EGLN1: variants seen among roughly 807,000 people sequenced by gnomAD.
EGLN1 encodes egl-9 family hypoxia inducible factor 1.
Under a neutral mutation model 38.3 loss-of-function variants are expected in EGLN1, and 17 were observed. The observed-to-expected ratio is 0.44, with a 90% CI of 0.30 to 0.67. EGLN1 has a LOEUF of 0.67. Among genes scored for constraint, EGLN1 ranks in the 30% least tolerant of loss-of-function variants. EGLN1 has a pLI of 0.08. For synonymous variants in EGLN1, 283 were observed against 257.5 expected (o/e 1.10, Z -0.95); for missense variants, 477 against 603.3 (o/e 0.79, Z 2.19).
intron 1 of EGLN1, among the ~76,000 whole-genome samples, chr1:231,404,447 T>C (rs1382328613): frequency 6.6e-6 from 1 of 152,088 alleles, no homozygotes; most frequent in Non-Finnish European, 1.5e-5. Flanking sequence ...ATCAACAAAC[T>C]GTAAAACAAA....
At chr1:231,393,236 C>G (rs1688438775) in intron 1 of EGLN1, among the ~76,000 whole-genome samples, 1 of 152,180 alleles carries the variant, frequency 6.6e-6, no homozygotes, top group Non-Finnish European at 1.5e-5. Flanking sequence ...AATCAGCAGA[C>G]CCATAGGTAA....
intron 1 of EGLN1, among the ~76,000 whole-genome samples, chr1:231,380,814 T>C (rs1688064177): frequency 6.6e-6 from 1 of 152,234 alleles, no homozygotes; most frequent in African/African-American, 2.4e-5. Context: ...TTACATCTTA[T>C]ATTTTTAAGT....
At chr1:231,420,296 T>C (rs1408671541) in intron 1 of EGLN1, 3 of 152,152 alleles carry the variant, frequency 2.0e-5, no homozygotes, top group African/African-American at 7.3e-5. Context: ...ACAAAGCAAA[T>C]AAAGGAAACT....
In EGLN1 at chr1:231,366,284, G is replaced by C. The variant is rs1414576874; in HGVS notation, c.*127C>G. ...TCTGTTTGATGCAACACAAAAAGTT[G>C]TTTCTGTTTCCTTATTAAAATGCGA... On this transcript the variant is annotated 3_prime_UTR_variant, in exon 5 of 5. Coordinates refer to ENST00000366641, the MANE Select transcript of EGLN1 (RefSeq NM_022051.3). The C allele has an allele frequency of 9.7e-7, 1 of 1,027,318 alleles. No homozygotes were observed. Among genetic ancestry groups the C allele is most frequent in the African/African-American group, 1.6e-5 (1 of 62,492 alleles). The allele number at this position is 1,027,318 out of a possible 1,614,324, so 63.6% of individuals were successfully genotyped here. A position where few individuals can be genotyped will look rare whatever the true frequency, so the allele number is the denominator to read the frequency against.
intron 3 of EGLN1, among the ~76,000 whole-genome samples, chr1:231,368,140 G>A (rs894157534): frequency 5.3e-5 from 8 of 152,124 alleles, no homozygotes; most frequent in East Asian, 3.9e-4. Flanking sequence ...GCAGTGAGCC[G>A]AGATCATGCC....
chr1:231,396,690 C>T (rs922326067), intron 1 of EGLN1, among the ~76,000 whole-genome samples: 3 of 152,226 alleles, frequency 2.0e-5, no homozygotes, highest in African/African-American at 7.2e-5. Flanking sequence ...CAATTTCCAT[C>T]TGGATGTCCA....
intron 1 of EGLN1, among the ~76,000 whole-genome samples, chr1:231,397,813 A>T (rs1688568467): frequency 6.6e-6 from 1 of 152,200 alleles, no homozygotes; most frequent in African/African-American, 2.4e-5. Flanking sequence ...CCTAAACCCT[A>T]AGGAGAAATA....
At chr1:231,419,386 T>A (rs1656487857) in intron 1 of EGLN1, among the ~76,000 whole-genome samples, 1 of 152,172 alleles carries the variant, frequency 6.6e-6, no homozygotes, top group Admixed American at 6.5e-5. Context: ...CTAAATTAAC[T>A]AAGGAAAGCA....
Position 231,391,083 on chromosome 1 carries a change from G to GTTT in EGLN1, c.892-16987_892-16985dup, listed in dbSNP as rs111257907. On this transcript the variant is annotated intron_variant, in intron 1 of 4. Transcript: ENST00000366641. The stretch of plus-strand genomic sequence containing the variant: ...GTGTGTGAGACAGGGAACTCATTCT[G>GTTT]TTTTTTTTTTGTGTGTGTGTGTGTG... 3.8e-4 allele frequency among the ~76,000 whole-genome samples: 19 copies of GTTT among 49,834 alleles called. 1 individual carries two copies. The highest frequency in any genetic ancestry group is 1.3e-3 in the Admixed American group (7 of 5,256). 32.7% of individuals were successfully genotyped at this position (49,834 alleles called of 152,430 possible).
chr1:231,408,572 T>C (rs891991468), intron 1 of EGLN1, among the ~76,000 whole-genome samples: 1 of 152,158 alleles, frequency 6.6e-6, no homozygotes, highest in Admixed American at 6.5e-5. Context: ...ACAATCCAGA[T>C]AGAAAGTGAT....
intron 1 of EGLN1, among the ~76,000 whole-genome samples, chr1:231,385,953 C>T (rs1688194413): frequency 6.6e-6 from 1 of 152,096 alleles, no homozygotes; most frequent in South Asian, 2.1e-4. Flanking sequence ...TGGGCTCCTG[C>T]CTCAGCCTCC....
rs1293477221 is a variant in EGLN1 at position 231,366,442 on chromosome 1, G to A, written c.1250C>T (p.Pro417Leu). Residue 417 changes from proline to leucine, a missense_variant, in exon 5 of 5, where the codon CCT becomes CTT. This residue lies in a region of EGLN1 where 59 missense variants were observed against 119.0 expected (regional missense o/e 0.50). Coordinates refer to ENST00000366641, the MANE Select transcript of EGLN1 (RefSeq NM_022051.3). Reference sequence around the variant, plus strand: ...GACGTCTTTACCGACCGAATCTGAAGGTTTATTGAGTTCAACCCTCACACC... The same window carrying A: ...GACGTCTTTACCGACCGAATCTGAAAGTTTATTGAGTTCAACCCTCACACC... ...EKGVRVELNK[P>L]SDSVGKDVF 3.1e-6 allele frequency: 5 copies of A among 1,613,786 alleles called. No homozygotes were observed. Among genetic ancestry groups the A allele is most frequent in the East Asian group, 4.5e-5 (2 of 44,852 alleles).
At chr1:231,407,844 G>C (rs1688835465) in intron 1 of EGLN1, among the ~76,000 whole-genome samples, 1 of 152,000 alleles carries the variant, frequency 6.6e-6, no homozygotes, top group Non-Finnish European at 1.5e-5. Context: ...ATAGGGACTA[G>C]AAACAGTATA....
intron 1 of EGLN1, among the ~76,000 whole-genome samples, chr1:231,419,141 A>G (rs1420911214): frequency 1.3e-5 from 2 of 152,178 alleles, no homozygotes; most frequent in Non-Finnish European, 2.9e-5. Flanking sequence ...TCAAATCCAA[A>G]GAGTTTAAAG....
intron 1 of EGLN1, among the ~76,000 whole-genome samples, chr1:231,410,277 A>C (rs1181292293): frequency 6.6e-6 from 1 of 151,936 alleles, no homozygotes; most frequent in African/African-American, 2.4e-5. Flanking sequence ...TGCATACTTT[A>C]TTGAAGAAAG....
intron 1 of EGLN1, among the ~76,000 whole-genome samples, chr1:231,412,539 G>C (rs576401002): frequency 1.3e-5 from 2 of 152,192 alleles, no homozygotes; most frequent in Non-Finnish European, 2.9e-5. Flanking sequence ...AGGAAGCACA[G>C]ACATACTTAT....
chr1:231,390,885 T>TC (rs971517205), intron 1 of EGLN1, among the ~76,000 whole-genome samples: 1 of 151,508 alleles, frequency 6.6e-6, no homozygotes, highest in Non-Finnish European at 1.5e-5. Flanking sequence ...AAGGTCTCTG[T>TC]CCCCCAGGCT....
chr1:231,414,359 A>G (rs1452644844), intron 1 of EGLN1, among the ~76,000 whole-genome samples: 1 of 152,220 alleles, frequency 6.6e-6, no homozygotes, highest in Non-Finnish European at 1.5e-5. Flanking sequence ...ATCCAAAGGC[A>G]TATCAGAAAG....
intron 1 of EGLN1, among the ~76,000 whole-genome samples, chr1:231,410,627 GT>G (rs1330942714): frequency 6.6e-6 from 1 of 151,948 alleles, no homozygotes; most frequent in Non-Finnish European, 1.5e-5. Context: ...AAATATAGAT[GT>G]TCAAGTTCCT....
Sources: gnomAD v4.1 joint callset for allele counts (sites outside exome capture counted in the v4.1 genomes callset) on GRCh38, gnomAD v4.1.1 for gene constraint, gnomAD v4.1.1 regional missense constraint, MANE v1.5 for transcripts, NCBI Gene and HGNC (gene_info 2026-07-23, HGNC 2026-07-21) for gene names.